DNER: variants seen among roughly 807,000 people sequenced by gnomAD.
DNER encodes delta/notch like EGF repeat containing, also known as delta and Notch-like epidermal growth factor-related receptor.
Under a neutral mutation model 78.2 loss-of-function variants are expected in DNER, and 33 were observed. The observed-to-expected ratio is 0.42, with a 90% CI of 0.32 to 0.56. DNER has a LOEUF of 0.56. Among genes scored for constraint, DNER ranks in the 20% least tolerant of loss-of-function variants. The pLI, the probability that DNER is intolerant of heterozygous loss-of-function variation, is 0.11. For synonymous variants in DNER, 417 were observed against 384.8 expected (o/e 1.08, Z -0.98); for missense variants, 918 against 975.3 (o/e 0.94, Z 0.78).
chr2:229,640,321 G>A (rs1182460762), intron 1 of DNER, among the ~76,000 whole-genome samples: 1 of 152,212 alleles, frequency 6.6e-6, no homozygotes, highest in African/African-American at 2.4e-5. Flanking sequence ...CACTCACGAA[G>A]TCATAGCTTT....
chr2:229,416,300 C>A (rs1366195087), intron 9 of DNER, among the ~76,000 whole-genome samples: 1 of 152,172 alleles, frequency 6.6e-6, no homozygotes, highest in African/African-American at 2.4e-5. Flanking sequence ...GTGTTTAGAG[C>A]TGTTGTTGCA....
At chr2:229,502,191 T>C (rs1051968143) in intron 6 of DNER, among the ~76,000 whole-genome samples, 14 of 152,094 alleles carry the variant, frequency 9.2e-5, no homozygotes, top group African/African-American at 3.1e-4. Context: ...CCTATGAAGA[T>C]TTGAGGGGTG....
rs60983481 is a variant in DNER, at chr2:229,668,516, ATGTGTG to A, written c.276+45626_276+45631del. ...TATACTTACCTATATATAGGTAAGTATGTGTGTGTGTGTGTGTGTGTATATATATAT... is the reference window on the plus strand; with the variant it reads ...TATACTTACCTATATATAGGTAAGTATGTGTGTGTGTGTGTATATATATAT... On this transcript the variant is annotated intron_variant, in intron 1 of 12. Coordinates refer to ENST00000341772, the MANE Select transcript of DNER (RefSeq NM_139072.4). 6.2e-3 allele frequency among the ~76,000 whole-genome samples: 373 copies of A among 59,800 alleles called. 6 individuals are homozygous for A. The highest frequency in any genetic ancestry group is 0.027 in the African/African-American group (302 of 11,052). 39.2% of individuals were successfully genotyped at this position (59,800 alleles called of 152,430 possible). A position where few individuals can be genotyped will look rare whatever the true frequency, so the allele number is the denominator to read the frequency against.
intron 1 of DNER, among the ~76,000 whole-genome samples, chr2:229,688,290 G>C (rs1199488835): frequency 6.6e-6 from 1 of 152,174 alleles, no homozygotes; most frequent in Non-Finnish European, 1.5e-5. Context: ...AGACTTCTCT[G>C]TAGCAATCAA....
intron 8 of DNER, among the ~76,000 whole-genome samples, chr2:229,434,575 A>G: frequency 6.6e-6 from 1 of 152,202 alleles, no homozygotes; most frequent in East Asian, 1.9e-4. Context: ...TATTAAATTA[A>G]GGATGCCTAA....
At chr2:229,693,171 A>C (rs1699609434) in intron 1 of DNER, among the ~76,000 whole-genome samples, 1 of 151,870 alleles carries the variant, frequency 6.6e-6, no homozygotes, top group Non-Finnish European at 1.5e-5. Flanking sequence ...GACTTCTCAC[A>C]AGATCTGATG....
chr2:229,698,480 T>A (rs1193941042), intron 1 of DNER, among the ~76,000 whole-genome samples: 1 of 152,170 alleles, frequency 6.6e-6, no homozygotes, highest in Non-Finnish European at 1.5e-5. Context: ...TGTGCTCTTC[T>A]AAGCATATAA....
At chr2:229,694,104 G>C (rs542675853) in intron 1 of DNER, among the ~76,000 whole-genome samples, 1 of 152,364 alleles carries the variant, frequency 6.6e-6, no homozygotes, top group Non-Finnish European at 1.5e-5. Context: ...TACAGCCCAG[G>C]CCATTGCTTT....
At chr2:229,576,995 C>T (rs796983572) in intron 4 of DNER, among the ~76,000 whole-genome samples, 1 of 152,078 alleles carries the variant, frequency 6.6e-6, no homozygotes, top group Non-Finnish European at 1.5e-5. Context: ...GTCCAGACCA[C>T]GGAGAAGGGG....
At chr2:229,666,111 CCTAA>C (rs747881515) in intron 1 of DNER, among the ~76,000 whole-genome samples, 38 of 152,172 alleles carry the variant, frequency 2.5e-4, no homozygotes, top group Non-Finnish European at 4.0e-4. Flanking sequence ...CCTGCAATGG[CCTAA>C]CTGTTTGCCT....
chr2:229,545,475 T>C (rs1409930378), intron 5 of DNER, among the ~76,000 whole-genome samples: 1 of 152,206 alleles, frequency 6.6e-6, no homozygotes, highest in Non-Finnish European at 1.5e-5. Flanking sequence ...CTTGGGAGGC[T>C]GAGGCAGGAG....
intron 7 of DNER, among the ~76,000 whole-genome samples, chr2:229,456,940 A>C (rs1694588026): frequency 6.6e-6 from 1 of 152,122 alleles, no homozygotes. Flanking sequence ...GACATGATAC[A>C]CACATCAAGC....
Position 229,386,739 on chromosome 2 carries a change from T to G in DNER, c.1855+1526A>C, listed in dbSNP as rs1574818858. Among the ~76,000 whole-genome samples, 3 of 152,118 alleles carry G rather than the reference T, an allele frequency of 2.0e-5. 1 individual carries two copies. The South Asian group carries it at 6.2e-4, about 32-fold the overall frequency. On this transcript the variant is annotated intron_variant, in intron 11 of 12. Coordinates refer to ENST00000341772, the MANE Select transcript of DNER (RefSeq NM_139072.4). ...ATATGAAAAAAAAGCTCATCATCAC[T>G]GGTCATTAGTGAAATGCAAATCAAA... is the stretch of plus-strand genomic sequence containing the variant.
At chr2:229,474,380 T>TA (rs1694989386) in intron 7 of DNER, among the ~76,000 whole-genome samples, 2 of 152,210 alleles carry the variant, frequency 1.3e-5, no homozygotes, top group Non-Finnish European at 2.9e-5. Context: ...TTCTAAACTC[T>TA]AATGAAAGCC....
intron 7 of DNER, among the ~76,000 whole-genome samples, chr2:229,458,447 T>C (rs1203878889): frequency 1.3e-5 from 2 of 151,950 alleles, no homozygotes; most frequent in Non-Finnish European, 2.9e-5. Context: ...ACAGAATCAA[T>C]TGACAAAATG....
chr2:229,386,752 A>G (rs1446326183), intron 11 of DNER, among the ~76,000 whole-genome samples: 1 of 152,242 alleles, frequency 6.6e-6, no homozygotes, highest in Non-Finnish European at 1.5e-5. Context: ...TCATTAGTGA[A>G]ATGCAAATCA....
chr2:229,486,364 C>CAAA (rs35357754), intron 6 of DNER, among the ~76,000 whole-genome samples: 18,176 of 143,560 alleles, frequency 0.13, 1,213 homozygotes, highest in South Asian at 0.21. Context: ...TTGGAATATG[C>CAAA]AAAAAAAAAA....
intron 4 of DNER, among the ~76,000 whole-genome samples, chr2:229,574,425 G>A (rs1697261953): frequency 6.6e-6 from 1 of 152,034 alleles, no homozygotes; most frequent in Non-Finnish European, 1.5e-5. Context: ...AAAGAAAACT[G>A]TTAGAGATTT....
chr2:229,618,314 G>T (rs1698200059), intron 1 of DNER, among the ~76,000 whole-genome samples: 2 of 152,162 alleles, frequency 1.3e-5, no homozygotes, highest in African/African-American at 2.4e-5. Context: ...TCTAGAAAGG[G>T]GATGACAACA....
Sources: gnomAD v4.1 joint callset for allele counts (sites outside exome capture counted in the v4.1 genomes callset) on GRCh38, gnomAD v4.1.1 for gene constraint, MANE v1.5 for transcripts, NCBI Gene and HGNC (gene_info 2026-07-23, HGNC 2026-07-21) for gene names.